Variants in RASSF3 observed in about 807,000 individuals in gnomAD.
RASSF3 encodes the protein ras association domain-containing protein 3.
Under a neutral mutation model 19.9 loss-of-function variants are expected in RASSF3, and 19 were observed. That is an observed-to-expected ratio of 0.96 (90% CI 0.67 to 1.40). RASSF3 has a LOEUF of 1.40. Among genes scored for constraint, RASSF3 ranks in the 40% most tolerant of loss-of-function variants. The pLI is 0.00. For synonymous variants in RASSF3, 110 were observed against 104.2 expected, an observed-to-expected ratio of 1.06 and a Z score of -0.34; for missense variants, 306 against 289.8, an observed-to-expected ratio of 1.06 and a Z score of -0.41.
upstream of RASSF3, among the ~76,000 whole-genome samples, chr12:64,528,482 A>G (rs1868636951): frequency 6.6e-6 from 1 of 152,124 alleles, no homozygotes; most frequent in African/African-American, 2.4e-5. Context: ...AGGAATTCAG[A>G]TTTCTTTCTA....
chr12:64,669,363 T>C (rs1472634505), intron 1 of RASSF3, among the ~76,000 whole-genome samples: 4 of 152,156 alleles, frequency 2.6e-5, no homozygotes, highest in Non-Finnish European at 5.9e-5. Flanking sequence ...GGCTTCGTTT[T>C]TTCCTCAGAT....
chr12:64,572,822 A>C (rs984958444), intron 2 of RASSF3, among the ~76,000 whole-genome samples: 1 of 152,190 alleles, frequency 6.6e-6, no homozygotes, highest in Non-Finnish European at 1.5e-5. Flanking sequence ...GACAGATTGA[A>C]TGTGTCAATT....
At chr12:64,597,140 ATT>A (rs753727826) in intron 2 of RASSF3, among the ~76,000 whole-genome samples, 235 of 150,342 alleles carry the variant, frequency 1.6e-3, no homozygotes, top group Non-Finnish European at 2.5e-3. Context: ...TTATTTTTTA[ATT>A]TTTTTCCTGA....
At chr12:64,618,176 A>T (rs771010727) in intron 1 of RASSF3, among the ~76,000 whole-genome samples, 12 of 152,110 alleles carry the variant, frequency 7.9e-5, no homozygotes, top group Non-Finnish European at 1.2e-4. Context: ...ATTCACAGGC[A>T]TGATAATAGT....
At chr12:64,642,088 G>GGAGCCATCTAATTATAA (rs1286599079) in intron 1 of RASSF3, among the ~76,000 whole-genome samples, 1 of 151,968 alleles carries the variant, frequency 6.6e-6, no homozygotes, top group Non-Finnish European at 1.5e-5. Context: ...ATAATTATTT[G>GGAGCCATCTAATTATAA]TTGCAAATTA....
In RASSF3 at chr12:64,694,776, G is replaced by C. The variant is rs1868330122; in HGVS notation, c.581G>C (p.Ser194Thr). The C allele has an allele frequency of 3.1e-6, 5 of 1,614,066 alleles. No homozygotes were observed. The African/African-American group carries it at 5.3e-5, about 17-fold the overall frequency. ...GTTTCCTGACAGTGGGAAGCCTTCAGCCTTCCAGAACTACAGAATTTCTTG... is the reference window on the plus strand; with the variant it reads ...GTTTCCTGACAGTGGGAAGCCTTCACCCTTCCAGAACTACAGAATTTCTTG... ...EHEIGEWEAFSLPELQNFLRI... is the reference protein window; with the variant it reads ...EHEIGEWEAFTLPELQNFLRI... Residue 194 changes from serine (S) to threonine (T), a missense_variant, in exon 5 of 5, where the codon AGC (serine) becomes ACC (threonine). Physicochemically the swap from Ser to Thr is moderately conservative, Grantham distance 58. Coordinates refer to ENST00000542104, the MANE Select transcript of RASSF3 (RefSeq NM_178169.4).
At chr12:64,631,056 T>A (rs1425056222) in intron 1 of RASSF3, among the ~76,000 whole-genome samples, 1 of 152,152 alleles carries the variant, frequency 6.6e-6, no homozygotes, top group Non-Finnish European at 1.5e-5. Context: ...GTTGAAGTCA[T>A]GGGCTTAGAT....
intron 1 of RASSF3, among the ~76,000 whole-genome samples, chr12:64,681,657 C>G (rs1449473302): frequency 6.6e-6 from 1 of 152,224 alleles, no homozygotes; most frequent in Non-Finnish European, 1.5e-5. Flanking sequence ...TCAGCTATGA[C>G]TGGTACCCAG....
chr12:64,595,465 C>T (rs1259344914), intron 2 of RASSF3, among the ~76,000 whole-genome samples: 1 of 152,170 alleles, frequency 6.6e-6, no homozygotes, highest in Non-Finnish European at 1.5e-5. Context: ...AGTCCAAAAC[C>T]ACCTTCTCCA....
rs546356445 is a variant in RASSF3 at position 64,624,970 on chromosome 12, A to G, written c.111+14227A>G. Reference sequence around the variant, plus strand: ...GCGTGAGCCACCGCGCCTGGCCAGCAATAGTTATTTTTAAAAGATCCTCCT... The same window carrying G: ...GCGTGAGCCACCGCGCCTGGCCAGCGATAGTTATTTTTAAAAGATCCTCCT... On this transcript the variant is annotated intron_variant, in intron 1 of 4. Coordinates refer to ENST00000542104, the MANE Select transcript of RASSF3 (RefSeq NM_178169.4). 2.0e-5 allele frequency among the ~76,000 whole-genome samples: 3 copies of G among 152,138 alleles called. No homozygotes were observed. The South Asian group carries it at 6.2e-4, about 32-fold the overall frequency.
chr12:64,637,180 T>C (rs779641416), intron 1 of RASSF3, among the ~76,000 whole-genome samples: 1 of 152,196 alleles, frequency 6.6e-6, no homozygotes, highest in South Asian at 2.1e-4. Context: ...GCAACTGTTG[T>C]TGAGCAGCAG....
At chr12:64,663,738 T>C (rs561037348) in intron 1 of RASSF3, among the ~76,000 whole-genome samples, 2 of 151,784 alleles carry the variant, frequency 1.3e-5, no homozygotes, top group Non-Finnish European at 2.9e-5. Flanking sequence ...ACTCCTGACC[T>C]CAGGTGATCT....
chr12:64,524,469 G>A (rs529045082), intron 1 of RASSF3, among the ~76,000 whole-genome samples: 13 of 152,048 alleles, frequency 8.5e-5, no homozygotes, highest in East Asian at 7.8e-4. Flanking sequence ...GTGTGCTCAC[G>A]TCATTCCCAA....
At chr12:64,621,540 C>T (rs193104377) in intron 1 of RASSF3, among the ~76,000 whole-genome samples, 493 of 152,228 alleles carry the variant, frequency 3.2e-3, no homozygotes, top group Middle Eastern at 0.014. Context: ...AGCAATGGTG[C>T]GAACTTGGCT....
intron 2 of RASSF3, among the ~76,000 whole-genome samples, chr12:64,563,550 C>T (rs1382613080): frequency 5.9e-5 from 9 of 152,214 alleles, no homozygotes; most frequent in African/African-American, 2.2e-4. Context: ...ACATGCTTTA[C>T]CAAGCCTTAG....
intron 1 of RASSF3, among the ~76,000 whole-genome samples, chr12:64,678,763 T>C (rs1488948739): frequency 6.6e-6 from 1 of 151,652 alleles, no homozygotes; most frequent in South Asian, 2.1e-4. Flanking sequence ...GGTCCACAAC[T>C]GTCTCTCACA....
chr12:64,643,612 A>G (rs1185718603), intron 1 of RASSF3, among the ~76,000 whole-genome samples: 2 of 152,102 alleles, frequency 1.3e-5, no homozygotes, highest in Non-Finnish European at 2.9e-5. Flanking sequence ...AGCATGTATA[A>G]TGTATCATTA....
chr12:64,653,385 A>G (rs2136192389), intron 1 of RASSF3, among the ~76,000 whole-genome samples: 1 of 152,192 alleles, frequency 6.6e-6, no homozygotes. Context: ...CACCTGGCCT[A>G]ATATCCCCTT....
In RASSF3 at chr12:64,688,812, A is replaced by G. The variant is rs527339161; in HGVS notation, c.457+359A>G. On this transcript the variant is annotated intron_variant, in intron 3 of 4. Transcript: ENST00000542104. ...GAGTGCCTCTGTGTTTGAAGTTTTC[A>G]ATAGCACATTCCACATTTGATGTGC... Among the ~76,000 whole-genome samples the G allele has an allele frequency of 2.0e-5, 3 of 152,274 alleles. No individual in the cohort carries two copies. The East Asian group carries it at 5.8e-4, about 29-fold the overall frequency.
Sources: allele counts gnomAD v4.1 joint callset (sites outside exome capture counted in the v4.1 genomes callset), GRCh38; gene constraint gnomAD v4.1.1; transcripts MANE v1.5; gene names NCBI Gene and HGNC (gene_info 2026-07-23, HGNC 2026-07-21).